The following TPD52 variants were observed in gnomAD, a reference collection of about 807,000 sequenced individuals.
The protein encoded by TPD52 is tumor protein D52.
TPD52 carries 17 observed loss-of-function variants against 31.3 expected under a neutral mutation model. The observed-to-expected ratio is 0.54, with a 90% CI of 0.37 to 0.82. TPD52 has a LOEUF of 0.82. Ranked by LOEUF, TPD52 falls within the 40% of genes least tolerant of loss-of-function variation. TPD52 has a pLI of 0.00. For missense variants in TPD52, 212 were observed against 240.1 expected (o/e 0.88, Z 0.77); for synonymous variants, 83 against 89.6 (o/e 0.93, Z 0.42).
At chr8:80,098,320 A>T (rs1051836793) in intron 1 of TPD52, among the ~76,000 whole-genome samples, 1 of 152,208 alleles carries the variant, frequency 6.6e-6, no homozygotes, top group African/African-American at 2.4e-5. Context: ...TCTGCCAGAG[A>T]TTGCTCGGGT....
chr8:80,053,170 CAAAGA>C (rs1811539238), intron 3 of TPD52, 107 bp downstream of exon 3: 7 of 1,253,612 alleles, frequency 5.6e-6, no homozygotes, highest in Non-Finnish European at 7.5e-6. Context: ...CCGTGTCGTC[CAAAGA>C]AAAGCTGCTG....
At chr8:80,142,703 A>G (rs1809919423) in intron 1 of TPD52, among the ~76,000 whole-genome samples, 1 of 152,164 alleles carries the variant, frequency 6.6e-6, no homozygotes, top group African/African-American at 2.4e-5. Context: ...CTCTGTCACA[A>G]AAAGAAAGCA....
At chr8:80,147,342 G>A (rs559681011) in intron 1 of TPD52, among the ~76,000 whole-genome samples, 23 of 152,166 alleles carry the variant, frequency 1.5e-4, no homozygotes, top group South Asian at 1.2e-3. Flanking sequence ...ATGAGGTTCC[G>A]GGAACTAAGA....
chr8:80,131,246 A>G (rs962848993), intron 1 of TPD52, among the ~76,000 whole-genome samples: 1 of 152,376 alleles, frequency 6.6e-6, no homozygotes, highest in East Asian at 1.9e-4. Context: ...GCTACTTGAA[A>G]GGAAACAAAC....
intron 1 of TPD52, among the ~76,000 whole-genome samples, chr8:80,092,776 T>TAA (rs34983351): frequency 1.4e-5 from 2 of 146,154 alleles, no homozygotes; most frequent in African/African-American, 5.0e-5. Context: ...TACCACAATT[T>TAA]AAAAAAAAAA....
rs561287738 is a variant in TPD52 at position 80,130,147 on chromosome 8, G to C, written c.19+41278C>G. On this transcript the variant is annotated intron_variant, in intron 1 of 7. Coordinates refer to ENST00000518937, the MANE Select transcript of TPD52 (RefSeq NM_001025253.3). Reference sequence around the variant, plus strand: ...GAGAGAGAAGACAAGAGCATCTGCTGAGATGAAGAGGAGGTGGAGGGAAAG... The same window carrying C: ...GAGAGAGAAGACAAGAGCATCTGCTCAGATGAAGAGGAGGTGGAGGGAAAG... Among the ~76,000 whole-genome samples the C allele has an allele frequency of 1.1e-4, 17 of 152,322 alleles. No homozygotes were observed. The South Asian group carries it at 3.5e-3, about 32-fold the overall frequency.
At position 80,107,290 on chromosome 8, in the gene TPD52, T is replaced by C. The variant is rs74551271; in HGVS notation, c.20-42697A>G. Among the ~76,000 whole-genome samples, 330 of 152,330 alleles carry C rather than the reference T, an allele frequency of 2.2e-3. 1 individual carries two copies. Among genetic ancestry groups the C allele is most frequent in the Admixed American group, 3.7e-3 (56 of 15,300 alleles). On this transcript the variant is annotated intron_variant, in intron 1 of 7. Coordinates refer to ENST00000518937, the MANE Select transcript of TPD52 (RefSeq NM_001025253.3). The stretch of plus-strand genomic sequence containing the variant: ...GTTTTTCCTACAGCATTCCAAGCAT[T>C]ACATCAATTCAGCTAATCCTAGCTG...
intron 1 of TPD52, among the ~76,000 whole-genome samples, chr8:80,108,265 A>G (rs1033471906): frequency 6.6e-6 from 1 of 152,222 alleles, no homozygotes; most frequent in African/African-American, 2.4e-5. Flanking sequence ...GACATTTTTC[A>G]TGAGCAATTC....
At chr8:80,153,576 C>T (rs1440757535) in intron 1 of TPD52, among the ~76,000 whole-genome samples, 1 of 152,188 alleles carries the variant, frequency 6.6e-6, no homozygotes, top group Non-Finnish European at 1.5e-5. Flanking sequence ...GTCAATAATT[C>T]AAAGTTAAAA....
chr8:80,037,940 G>A lies in TPD52; in HGVS notation c.*176C>T. 1.3e-6 allele frequency: 1 copy of A among 776,534 alleles called. No individual in the cohort carries two copies. The allele number at this position is 776,534 out of a possible 1,614,324, so 48.1% of individuals were successfully genotyped here. On this transcript the variant is annotated 3_prime_UTR_variant, in exon 8 of 8. Transcript: ENST00000518937. ...ATGTACACTAAAGGGTGTTTCCCAA[G>A]AATAGAGGTGAAGATATTTTCATTT... is the stretch of plus-strand genomic sequence containing the variant.
intron 1 of TPD52, among the ~76,000 whole-genome samples, chr8:80,157,719 C>G (rs1811068522): frequency 6.6e-6 from 1 of 152,190 alleles, no homozygotes; most frequent in Non-Finnish European, 1.5e-5. Context: ...AATGTCACCT[C>G]TAGACTAAAC....
intron 1 of TPD52, among the ~76,000 whole-genome samples, chr8:80,103,234 C>T (rs2130939402): frequency 6.6e-6 from 1 of 152,332 alleles, no homozygotes; most frequent in African/African-American, 2.4e-5. Context: ...CTGACTAGCT[C>T]TGTCACTTTA....
intron 1 of TPD52, among the ~76,000 whole-genome samples, chr8:80,164,391 G>T (rs1454803385): frequency 6.6e-6 from 1 of 152,234 alleles, no homozygotes; most frequent in African/African-American, 2.4e-5. Context: ...GAAGCCATTA[G>T]TCAATGAATG....
intron 1 of TPD52, among the ~76,000 whole-genome samples, chr8:80,078,611 T>G (rs1203189669): frequency 6.6e-6 from 1 of 152,310 alleles, no homozygotes; most frequent in Admixed American, 6.5e-5. Flanking sequence ...AATCACTGTG[T>G]TCTTACAGAT....
chr8:80,071,669 C>T (rs1273144545), intron 1 of TPD52, among the ~76,000 whole-genome samples: 1 of 152,158 alleles, frequency 6.6e-6, no homozygotes, highest in African/African-American at 2.4e-5. Flanking sequence ...ACTCTCTGGA[C>T]ATCCACTTCA....
At chr8:80,113,676 A>G (rs1212690067) in intron 1 of TPD52, among the ~76,000 whole-genome samples, 1 of 152,202 alleles carries the variant, frequency 6.6e-6, no homozygotes, top group Non-Finnish European at 1.5e-5. Context: ...AACAAGTCAG[A>G]CACAGAAAGC....
At chr8:80,085,458 T>A (rs568305846) in intron 1 of TPD52, among the ~76,000 whole-genome samples, 1 of 152,100 alleles carries the variant, frequency 6.6e-6, no homozygotes, top group Non-Finnish European at 1.5e-5. Context: ...AACACAATAT[T>A]TACTTGGAGG....
intron 1 of TPD52, among the ~76,000 whole-genome samples, chr8:80,153,661 A>T (rs1810734379): frequency 6.6e-6 from 1 of 152,230 alleles, no homozygotes. Context: ...TAACCAATTC[A>T]TTTAAGATAA....
At chr8:80,047,396 T>C (rs941842662) in intron 5 of TPD52, among the ~76,000 whole-genome samples, 1 of 152,248 alleles carries the variant, frequency 6.6e-6, no homozygotes, top group African/African-American at 2.4e-5. Flanking sequence ...TAGCATCTAC[T>C]GTATATTATA....
Sources: gnomAD v4.1 joint callset for allele counts (sites outside exome capture counted in the v4.1 genomes callset) on GRCh38, gnomAD v4.1.1 for gene constraint, MANE v1.5 for transcripts, NCBI Gene and HGNC (gene_info 2026-07-23, HGNC 2026-07-21) for gene names.